Variants in RBM34 observed in about 807,000 individuals in gnomAD.
RBM34 encodes RNA-binding protein 34.
RBM34 carries 39 observed loss-of-function variants against 44.6 expected under a neutral mutation model. That is an observed-to-expected ratio of 0.87 (90% CI 0.68 to 1.14). RBM34 has a LOEUF of 1.14. Among genes scored for constraint, RBM34 ranks in the 50% most tolerant of loss-of-function variants. The pLI is 0.00. For synonymous variants in RBM34, 194 were observed against 184.0 expected, an observed-to-expected ratio of 1.05 and a Z score of -0.44; for missense variants, 572 against 517.9, an observed-to-expected ratio of 1.10 and a Z score of -1.01.
intron 4 of RBM34, among the ~76,000 whole-genome samples, chr1:235,154,487 C>T (rs1662310973): frequency 6.6e-6 from 1 of 152,100 alleles, no homozygotes; most frequent in Admixed American, 6.5e-5. Context: ...TCACTTGAGT[C>T]CAGGAGTTTG....
At chr1:235,153,094 T>G (rs142216756) in intron 4 of RBM34, among the ~76,000 whole-genome samples, 59 of 152,240 alleles carry the variant, frequency 3.9e-4, no homozygotes, top group African/African-American at 1.4e-3. Context: ...GGTCTCAAAC[T>G]CCTGACCTCA....
chr1:235,145,839 G>A (rs1265634411), intron 6 of RBM34, among the ~76,000 whole-genome samples: 1 of 152,100 alleles, frequency 6.6e-6, no homozygotes, highest in Non-Finnish European at 1.5e-5. Flanking sequence ...AGGCTACAGT[G>A]CAGTGGTGTG....
At chr1:235,143,776 A>G (rs968175959) in intron 6 of RBM34, among the ~76,000 whole-genome samples, 1 of 152,190 alleles carries the variant, frequency 6.6e-6, no homozygotes, top group African/African-American at 2.4e-5. Context: ...ACATCACAAT[A>G]AATACAACAC....
intron 3 of RBM34, among the ~76,000 whole-genome samples, chr1:235,157,363 T>C (rs1329734397): frequency 2.0e-5 from 3 of 152,148 alleles, no homozygotes; most frequent in Non-Finnish European, 1.5e-5. Flanking sequence ...GGCAACTGAT[T>C]AGCTAAGCAA....
intron 6 of RBM34, among the ~76,000 whole-genome samples, chr1:235,147,271 A>T (rs1572156365): frequency 6.6e-6 from 1 of 152,284 alleles, no homozygotes; most frequent in South Asian, 2.1e-4. Flanking sequence ...AAAAACAATG[A>T]GATGGGGCTG....
At chr1:235,145,824 C>T (rs1197392902) in intron 6 of RBM34, among the ~76,000 whole-genome samples, 3 of 152,124 alleles carry the variant, frequency 2.0e-5, no homozygotes, top group Admixed American at 6.6e-5. Context: ...TCTTGCTTGT[C>T]GCTCAGGCTA....
rs1197919280 is a variant in RBM34 at position 235,160,758 on chromosome 1, A to G, written c.229-111T>C. 2.7e-6 allele frequency: 4 copies of G among 1,508,946 alleles called. No individual in the cohort carries two copies. The African/African-American group carries it at 4.2e-5, about 16-fold the overall frequency. 93.5% of individuals were successfully genotyped at this position (1,508,946 alleles called of 1,614,324 possible). A position where few individuals can be genotyped will look rare whatever the true frequency, so the allele number is the denominator to read the frequency against. On this transcript the variant is annotated intron_variant, in intron 2 of 10. Transcript: ENST00000408888. Reference sequence around the variant, plus strand: ...ATCTCTTCTCTCTCACTGGTATGTAAGAGTCATGAAAGGTTACTTAAAATG... The same window carrying G: ...ATCTCTTCTCTCTCACTGGTATGTAGGAGTCATGAAAGGTTACTTAAAATG...
intron 5 of RBM34, among the ~76,000 whole-genome samples, chr1:235,152,142 T>TA (rs569411273): frequency 7.2e-4 from 107 of 148,466 alleles, no homozygotes; most frequent in Non-Finnish European, 1.3e-3. Flanking sequence ...CCTATGCAGT[T>TA]AAAAAAAAAA....
chr1:235,132,045 C>G, intron 10 of RBM34, 48 bp from the exon 11 acceptor site: 3 of 1,480,000 alleles, frequency 2.0e-6, no homozygotes, highest in Non-Finnish European at 2.7e-6. Context: ...AACCCATCTG[C>G]AAAGAAACTA....
rs935363368 is a variant in RBM34 at position 235,132,525 on chromosome 1, T to A, written c.1009-528A>T. Among the ~76,000 whole-genome samples the A allele has an allele frequency of 6.6e-5, 10 of 152,298 alleles. No individual in the cohort carries two copies. The East Asian group carries it at 1.9e-3, about 30-fold the overall frequency. On this transcript the variant is annotated intron_variant, in intron 10 of 10. Coordinates refer to ENST00000408888, the MANE Select transcript of RBM34 (RefSeq NM_015014.4). Reference sequence around the variant, plus strand: ...GGTTTCACCACGTTAGCCAGAATGGTCTCGATCTCTTGACCTTGTAATCTG... The same window carrying A: ...GGTTTCACCACGTTAGCCAGAATGGACTCGATCTCTTGACCTTGTAATCTG...
In RBM34 at chr1:235,149,305, C is replaced by T. The variant is rs546007458; in HGVS notation, c.658-858G>A. On this transcript the variant is annotated intron_variant, in intron 5 of 10. Coordinates refer to ENST00000408888, the MANE Select transcript of RBM34 (RefSeq NM_015014.4). ...TCAGGAGGCTGAGGCAGGAGAATGG[C>T]GTGAACCCGGGAGGCGGAGCTTGCA... is the stretch of plus-strand genomic sequence containing the variant. Among the ~76,000 whole-genome samples, 753 of 147,520 alleles carry T rather than the reference C, an allele frequency of 5.1e-3. 8 individuals are homozygous for T. Among genetic ancestry groups the T allele is most frequent in the African/African-American group, 0.018 (704 of 39,930 alleles).
At chr1:235,140,364 GC>G (rs896363476) in intron 6 of RBM34, among the ~76,000 whole-genome samples, 5 of 152,138 alleles carry the variant, frequency 3.3e-5, no homozygotes, top group East Asian at 1.9e-4. Context: ...GGCTTGGCGG[GC>G]CCCGCACTCG....
At position 235,139,041 on chromosome 1, in the gene RBM34, G is replaced by A. The variant is rs548982561; in HGVS notation, c.702-867C>T. ...TGTTCTTTCCAGGGAGTCATGTTAT[G>A]ACTGGTTTTTACCCTTTTGTCAATG... On this transcript the variant is annotated intron_variant, in intron 6 of 10. Coordinates refer to ENST00000408888, the MANE Select transcript of RBM34 (RefSeq NM_015014.4). Among the ~76,000 whole-genome samples, 5 of 152,282 alleles carry A rather than the reference G, an allele frequency of 3.3e-5. No homozygotes were observed. In the South Asian group the frequency reaches 1.0e-3, roughly 32 times the overall value.
chr1:235,156,595 CA>C (rs1281565210), intron 3 of RBM34: 1 of 442,262 alleles, frequency 2.3e-6, no homozygotes, highest in Non-Finnish European at 4.6e-6. Flanking sequence ...GGACTCTTAC[CA>C]AAAGTAAATT....
chr1:235,153,963 G>A (rs1404463515), intron 4 of RBM34, among the ~76,000 whole-genome samples: 1 of 152,072 alleles, frequency 6.6e-6, no homozygotes, highest in African/African-American at 2.4e-5. Context: ...GAGACAGAAC[G>A]AGGCTGGGTG....
chr1:235,155,822 C>CATATATATATATATATATATATATAT (rs1172462826), intron 3 of RBM34, among the ~76,000 whole-genome samples: 2 of 64,194 alleles, frequency 3.1e-5, no homozygotes, highest in Non-Finnish European at 5.2e-5. Flanking sequence ...CATACATATA[C>CATATATATATATATATATATATATAT]ATATATATAT....
At chr1:235,153,797 G>A (rs993407579) in intron 4 of RBM34, among the ~76,000 whole-genome samples, 2 of 152,152 alleles carry the variant, frequency 1.3e-5, no homozygotes, top group African/African-American at 4.8e-5. Flanking sequence ...GCAGGATACC[G>A]AGCTAAGGAT....
chr1:235,137,936 C>T lies in RBM34; in HGVS notation c.790G>A (p.Gly264Arg). The T allele has an allele frequency of 6.2e-7, 1 of 1,602,826 alleles. No homozygotes were observed. Among genetic ancestry groups the T allele is most frequent in the South Asian group, 1.1e-5 (1 of 90,142 alleles). The change falls in exon 8 of 11, where the codon GGG (glycine) becomes AGG (arginine). Residue 264 changes from glycine (G) to arginine (R), a missense_variant. Transcript: ENST00000408888. ...CGAAATCCATCTGCAATCTGGGCCCCATTTCTGTATTATAAATACAAAGGG... is the reference window on the plus strand; with the variant it reads ...CGAAATCCATCTGCAATCTGGGCCCTATTTCTGTATTATAAATACAAAGGG... ...SAATQALKRN[G>R]AQIADGFRIR...
chr1:235,133,711 C>A (rs1002284106), intron 10 of RBM34, among the ~76,000 whole-genome samples: 1 of 152,002 alleles, frequency 6.6e-6, no homozygotes, highest in Non-Finnish European at 1.5e-5. Flanking sequence ...AATAATATGA[C>A]AATAAAAAAA....
Sources: gnomAD v4.1 joint callset for allele counts (sites outside exome capture counted in the v4.1 genomes callset) on GRCh38, gnomAD v4.1.1 for gene constraint, MANE v1.5 for transcripts, NCBI Gene and HGNC (gene_info 2026-07-23, HGNC 2026-07-21) for gene names.